The following LIN9 variants were observed in gnomAD, a reference collection of about 807,000 sequenced individuals.
The protein encoded by LIN9 is lin-9 DREAM MuvB core complex component.
LIN9 carries 18 observed loss-of-function variants against 78.0 expected under a neutral mutation model. The ratio of observed to expected loss-of-function variants is 0.23; its 90% confidence interval spans 0.16 to 0.34. The LOEUF (loss-of-function observed/expected upper bound fraction) is 0.34. Ranked by LOEUF, LIN9 falls within the 10% of genes least tolerant of loss-of-function variation. The pLI is 1.00. For missense variants in LIN9, 451 were observed against 644.1 expected (o/e 0.70, Z 3.25); for synonymous variants, 192 against 215.2 (o/e 0.89, Z 0.94).
At chr1:226,283,132 TTTAC>T (rs1661171505) in intron 6 of LIN9, among the ~76,000 whole-genome samples, 1 of 152,122 alleles carries the variant, frequency 6.6e-6, no homozygotes, top group African/African-American at 2.4e-5. Flanking sequence ...GTTTATTTTA[TTTAC>T]TTATTTTTGA....
chr1:226,240,210 T>C (rs1298522776), intron 11 of LIN9, among the ~76,000 whole-genome samples: 1 of 152,198 alleles, frequency 6.6e-6, no homozygotes, highest in African/African-American at 2.4e-5. Context: ...ATGTACTAAA[T>C]AGAGCTGACT....
At chr1:226,298,884 T>A (rs1662330961) in intron 2 of LIN9, among the ~76,000 whole-genome samples, 1 of 152,090 alleles carries the variant, frequency 6.6e-6, no homozygotes, top group Admixed American at 6.6e-5. Context: ...ATGGCAAGTC[T>A]CTGTCCCCTC....
intron 6 of LIN9, among the ~76,000 whole-genome samples, chr1:226,285,181 A>C (rs185337528): frequency 2.8e-4 from 42 of 152,290 alleles, no homozygotes; most frequent in African/African-American, 8.7e-4. Flanking sequence ...AATAGTGACC[A>C]ATATCCCACT....
At chr1:226,295,772 T>C in intron 4 of LIN9, 70 bp downstream of exon 4, 1 of 905,108 alleles carries the variant, frequency 1.1e-6, no homozygotes, top group Non-Finnish European at 1.7e-6. Context: ...GTAACAGAAA[T>C]ATAAACTTTA....
In LIN9 at chr1:226,273,740, A is replaced by G. The variant is rs1660451168; in HGVS notation, c.682+4035T>C. On this transcript the variant is annotated intron_variant, in intron 7 of 14. Coordinates refer to ENST00000681046, the MANE Select transcript of LIN9 (RefSeq NM_001366245.2). ...AGAAACTCAGAGGTAGAGCCCAGCA[A>G]TATGTTTTATCAAGCCCTCCAGGTG... Among the ~76,000 whole-genome samples the G allele has an allele frequency of 2.6e-5, 4 of 151,994 alleles. 1 individual carries two copies. The South Asian group carries it at 8.3e-4, about 32-fold the overall frequency.
chr1:226,306,164 A>C (rs1166978933), intron 1 of LIN9, among the ~76,000 whole-genome samples: 1 of 152,014 alleles, frequency 6.6e-6, no homozygotes, highest in Non-Finnish European at 1.5e-5. Context: ...GCCTCTACTA[A>C]AAATACAAGA....
At chr1:226,264,014 T>C (rs1659760257) in intron 10 of LIN9, among the ~76,000 whole-genome samples, 1 of 151,692 alleles carries the variant, frequency 6.6e-6, no homozygotes, top group Non-Finnish European at 1.5e-5. Flanking sequence ...AGGTTAAGGC[T>C]GCAGTGAGCC....
intron 4 of LIN9, among the ~76,000 whole-genome samples, chr1:226,290,631 C>T (rs1661715758): frequency 1.3e-5 from 2 of 151,632 alleles, no homozygotes; most frequent in Non-Finnish European, 2.9e-5. Flanking sequence ...TAAGCCACCG[C>T]ACCCGGCCAA....
At chr1:226,273,049 C>T (rs948022465) in intron 7 of LIN9, among the ~76,000 whole-genome samples, 31 of 152,050 alleles carry the variant, frequency 2.0e-4, no homozygotes, top group South Asian at 8.3e-4. Flanking sequence ...TTAAGTGATC[C>T]TCGTGCCTTG....
intron 4 of LIN9, 92 bp downstream of exon 4, chr1:226,295,750 G>A: frequency 1.3e-6 from 1 of 741,500 alleles, no homozygotes; most frequent in East Asian, 2.7e-5. Context: ...AAAAGAACTT[G>A]TTACTCAAAA....
intron 1 of LIN9, among the ~76,000 whole-genome samples, chr1:226,306,271 G>A (rs1662911944): frequency 6.6e-6 from 1 of 151,952 alleles, no homozygotes; most frequent in Non-Finnish European, 1.5e-5. Flanking sequence ...GCTGCAGTGA[G>A]CTGAGATCGC....
chr1:226,268,166 T>C (rs956302479), intron 7 of LIN9, 76 bp from the exon 8 acceptor site: 184 of 1,405,852 alleles, frequency 1.3e-4, no homozygotes, highest in Non-Finnish European at 1.7e-4. Flanking sequence ...TCCAAGCATG[T>C]AATTTAAATC....
chr1:226,280,822 C>T (rs953925006), intron 6 of LIN9, among the ~76,000 whole-genome samples: 2 of 152,070 alleles, frequency 1.3e-5, no homozygotes, highest in African/African-American at 4.8e-5. Context: ...CTGGTGTAAA[C>T]AACATCTTTT....
At chr1:226,306,032 G>C (rs2102689489) in intron 1 of LIN9, among the ~76,000 whole-genome samples, 3 of 152,210 alleles carry the variant, frequency 2.0e-5, no homozygotes, top group Middle Eastern at 6.8e-3. Flanking sequence ...AAGTGAAAGG[G>C]AGGAAAGTGG....
At chr1:226,281,621 A>T (rs1661058728) in intron 6 of LIN9, among the ~76,000 whole-genome samples, 1 of 152,070 alleles carries the variant, frequency 6.6e-6, no homozygotes, top group African/African-American at 2.4e-5. Flanking sequence ...TAAAAAATAT[A>T]CCAAAAAAAG....
At chr1:226,258,849 C>A (rs1659375195) in intron 10 of LIN9, among the ~76,000 whole-genome samples, 2 of 126,184 alleles carry the variant, frequency 1.6e-5, no homozygotes, top group African/African-American at 6.2e-5. Flanking sequence ...CGAGATCACG[C>A]CACTGCACTC....
intron 5 of LIN9, 60 bp from the exon 6 acceptor site, chr1:226,286,518 A>C: frequency 7.8e-7 from 1 of 1,286,224 alleles, no homozygotes; most frequent in Middle Eastern, 2.4e-4. Context: ...CTTAAAACAC[A>C]TAAAATCACA....
intron 8 of LIN9, 27 bp from the exon 9 acceptor site, chr1:226,266,359 C>G (rs1381283348): frequency 6.4e-7 from 1 of 1,569,396 alleles, no homozygotes; most frequent in Non-Finnish European, 8.6e-7. Context: ...ATTCACAAAA[C>G]TTAAAGAAAT....
intron 1 of LIN9, among the ~76,000 whole-genome samples, chr1:226,301,656 A>G (rs902428433): frequency 1.8e-4 from 27 of 152,330 alleles, no homozygotes; most frequent in African/African-American, 6.3e-4. Context: ...AAGTCCCTTG[A>G]AAGTCTAGAA....
Sources: allele counts gnomAD v4.1 joint callset (sites outside exome capture counted in the v4.1 genomes callset), GRCh38; gene constraint gnomAD v4.1.1; transcripts MANE v1.5; gene names NCBI Gene and HGNC (gene_info 2026-07-23, HGNC 2026-07-21).